Variants in DSCAML1 observed in about 807,000 individuals in gnomAD.
The protein encoded by DSCAML1 is cell adhesion molecule DSCAML1.
DSCAML1 carries 38 observed loss-of-function variants against 200.5 expected under a neutral mutation model. The observed-to-expected ratio is 0.19, with a 90% CI of 0.15 to 0.25. The LOEUF is 0.25. Ranked by LOEUF, DSCAML1 falls within the 10% of genes least tolerant of loss-of-function variation. The pLI is 1.00. For missense variants in DSCAML1, 2,223 were observed against 2,858.8 expected (o/e 0.78, Z 5.07); for synonymous variants, 1,215 against 1,165.0 (o/e 1.04, Z -0.87).
rs972513796 is a variant in DSCAML1, at chr11:117,521,457, A to G, written c.938-52T>C. On this transcript the variant is annotated intron_variant, in intron 5 of 32. Coordinates refer to ENST00000651296, the MANE Select transcript of DSCAML1 (RefSeq NM_020693.4). ...GGAAATGGGAGGGAGGAAAGAACAG[A>G]AAAAGGGCTTACTGTGAGTGGAGTG... The G allele has an allele frequency of 2.5e-6, 4 of 1,578,486 alleles. No homozygotes were observed. The South Asian group carries it at 4.6e-5, about 18-fold the overall frequency.
At chr11:117,572,050 A>G (rs921989634) in intron 3 of DSCAML1, among the ~76,000 whole-genome samples, 2 of 152,346 alleles carry the variant, frequency 1.3e-5, no homozygotes, top group South Asian at 2.1e-4. Flanking sequence ...AATCATCAAG[A>G]AATAACCAGA....
intron 3 of DSCAML1, among the ~76,000 whole-genome samples, chr11:117,574,457 G>A (rs1436696700): frequency 2.0e-5 from 3 of 152,184 alleles, no homozygotes; most frequent in Admixed American, 6.5e-5. Flanking sequence ...CATCCTTTCT[G>A]CAAATCACCT....
intron 3 of DSCAML1, among the ~76,000 whole-genome samples, chr11:117,675,204 G>A (rs549861592): frequency 6.6e-6 from 1 of 152,196 alleles, no homozygotes; most frequent in South Asian, 2.1e-4. Flanking sequence ...TCTACTCAGG[G>A]ATAGTCTATT....
chr11:117,735,108 G>A (rs907102606), intron 3 of DSCAML1, among the ~76,000 whole-genome samples: 1 of 152,218 alleles, frequency 6.6e-6, no homozygotes, highest in East Asian at 1.9e-4. Context: ...GCCTTGCAGG[G>A]TGGAAAGGGC....
At chr11:117,802,961 T>G (rs1334555012) in intron 1 of DSCAML1, among the ~76,000 whole-genome samples, 1 of 152,132 alleles carries the variant, frequency 6.6e-6, no homozygotes, top group African/African-American at 2.4e-5. Flanking sequence ...TGTGTTCACA[T>G]GGTCAGATAT....
rs184945340 is a variant in DSCAML1, at chr11:117,521,839, A to G, written c.938-434T>C. Reference sequence around the variant, plus strand: ...CACATTGCTATGTGCTGCTGGTCTGATTTCCTCTAGTTGGATCTGTGGACC... The same window carrying G: ...CACATTGCTATGTGCTGCTGGTCTGGTTTCCTCTAGTTGGATCTGTGGACC... On this transcript the variant is annotated intron_variant, in intron 5 of 32. Transcript: ENST00000651296. Among the ~76,000 whole-genome samples the G allele has an allele frequency of 1.1e-4, 17 of 152,140 alleles. No individual in the cohort carries two copies. In the East Asian group the frequency reaches 3.3e-3, roughly 29 times the overall value.
chr11:117,684,435 TAAAAAAAAAAAA>T (rs149958154), intron 3 of DSCAML1, among the ~76,000 whole-genome samples: 1 of 74,596 alleles, frequency 1.3e-5, no homozygotes, highest in Non-Finnish European at 2.8e-5. Flanking sequence ...TTTCATTAAC[TAAAAAAAAAAAA>T]AAAAAAAAAA....
intron 3 of DSCAML1, among the ~76,000 whole-genome samples, chr11:117,663,223 C>T (rs1350561821): frequency 6.6e-6 from 1 of 152,214 alleles, no homozygotes; most frequent in Non-Finnish European, 1.5e-5. Context: ...ACAGCCTGCC[C>T]ACCTCCCACA....
intron 3 of DSCAML1, among the ~76,000 whole-genome samples, chr11:117,678,852 T>G (rs968567355): frequency 1.3e-5 from 2 of 152,254 alleles, no homozygotes; most frequent in South Asian, 2.1e-4. Context: ...TGGCTTCTAC[T>G]CGGAATGGGG....
Position 117,464,985 on chromosome 11 carries a change from C to T in DSCAML1, c.3222G>A (p.Thr1074=), listed in dbSNP as rs779211252. Residue 1074 remains threonine, a synonymous_variant, in exon 17 of 33, where the codon ACG becomes ACA. Transcript: ENST00000651296. ...CATTGATCTCGCTGGAAGAGGGCCCCGTGCCAGCCCGATTGAAGGCTTGGA... is the reference window on the plus strand; with the variant it reads ...CATTGATCTCGCTGGAAGAGGGCCCTGTGCCAGCCCGATTGAAGGCTTGGA... ...VVVQAFNRAG[T]GPSSSEINAT... is the part of the protein sequence containing the mutation. The T allele has an allele frequency of 2.3e-5, 37 of 1,613,934 alleles. No individual in the cohort carries two copies. The highest frequency in any genetic ancestry group is 1.3e-4 in the Admixed American group (8 of 60,002).
At position 117,469,624 on chromosome 11, in the gene DSCAML1, G is replaced by A. The variant is rs903666225; in HGVS notation, c.3024+286C>T. 4.6e-5 allele frequency among the ~76,000 whole-genome samples: 7 copies of A among 152,040 alleles called. No homozygotes were observed. Among genetic ancestry groups the A allele is most frequent in the Admixed American group, 1.3e-4 (2 of 15,248 alleles). On this transcript the variant is annotated intron_variant, in intron 16 of 32. Transcript: ENST00000651296. The surrounding 1 kb of genome is among the most constrained non-coding windows in gnomAD (Gnocchi z 4.1). ...GTTTGGACGACGGGCCAGCACCACC[G>A]AGGAACCATCTTCCCTCCTTGGCAC...
In DSCAML1 at chr11:117,780,296, GAAA is replaced by G. The variant is rs2055226330; in HGVS notation, c.364+194_364+196del. ...AGAAAGAAAGAAAGAAAGAAAGAAA[GAAA>G]GAAAGAGAGAAAGGAGAAAGAAAGG... On this transcript the variant is annotated intron_variant, in intron 2 of 32. Transcript: ENST00000651296. The surrounding 1 kb of genome is among the most constrained non-coding windows in gnomAD (Gnocchi z 4.8). Among the ~76,000 whole-genome samples, 1 of 106,894 alleles carries G rather than the reference GAAA, an allele frequency of 9.4e-6. No homozygotes were observed. The highest frequency in any genetic ancestry group is 9.1e-5 in the Admixed American group (1 of 11,030). The allele number at this position is 106,894 out of a possible 152,430, so 70.1% of individuals were successfully genotyped here. A position where few individuals can be genotyped will look rare whatever the true frequency, so the allele number is the denominator to read the frequency against.
In DSCAML1 at chr11:117,437,813, C is replaced by T; in HGVS notation, c.4432+82G>A. 2.1e-6 allele frequency: 3 copies of T among 1,430,490 alleles called. No individual in the cohort carries two copies. Among genetic ancestry groups the T allele is most frequent in the South Asian group, 2.8e-5 (2 of 70,574 alleles). 88.6% of individuals were successfully genotyped at this position (1,430,490 alleles called of 1,614,324 possible). ...GACCCCTCCTTCCCCACCCCAGCCA[C>T]CTTACACCCCATACCTGGCCCCTCT... On this transcript the variant is annotated intron_variant, in intron 25 of 32. Transcript: ENST00000651296. The surrounding 1 kb of genome is among the most constrained non-coding windows in gnomAD (Gnocchi z 5.3).
In DSCAML1 at chr11:117,620,494, C is replaced by T. The variant is rs139292535; in HGVS notation, c.512-87972G>A. Among the ~76,000 whole-genome samples the T allele has an allele frequency of 5.0e-3, 767 of 152,328 alleles. 7 individuals are homozygous for T. Among genetic ancestry groups the T allele is most frequent in the Middle Eastern group, 0.014 (4 of 294 alleles). On this transcript the variant is annotated intron_variant, in intron 3 of 32. Transcript: ENST00000651296. ...CCACTTAATAGGAACGACACTGTGA[C>T]TGAAATTAACTCCAGAGGGGAGATT...
At chr11:117,689,265 T>C (rs927608768) in intron 3 of DSCAML1, among the ~76,000 whole-genome samples, 1 of 152,256 alleles carries the variant, frequency 6.6e-6, no homozygotes, top group African/African-American at 2.4e-5. Context: ...GTGTTGCTTT[T>C]ATGTTTGCTT....
chr11:117,482,386 G>A (rs773078721), intron 11 of DSCAML1, among the ~76,000 whole-genome samples: 4 of 152,230 alleles, frequency 2.6e-5, no homozygotes, highest in Non-Finnish European at 5.9e-5. Context: ...TCTGGGGAGG[G>A]AGTGGCCTGT....
chr11:117,476,162 ATTC>A (rs541785193), intron 14 of DSCAML1, among the ~76,000 whole-genome samples: 19 of 152,166 alleles, frequency 1.2e-4, no homozygotes, highest in South Asian at 2.1e-4. Flanking sequence ...GATGCAAAAT[ATTC>A]TTCTTAAAAA....
chr11:117,707,363 G>A (rs2053774707), intron 3 of DSCAML1, among the ~76,000 whole-genome samples: 1 of 152,116 alleles, frequency 6.6e-6, no homozygotes, highest in South Asian at 2.1e-4. Context: ...AGAGTGAATG[G>A]TCGCGAAGGT....
At chr11:117,626,610 A>G (rs935260314) in intron 3 of DSCAML1, among the ~76,000 whole-genome samples, 16 of 152,130 alleles carry the variant, frequency 1.1e-4, no homozygotes, top group Non-Finnish European at 7.3e-5. Context: ...TTCTCATGGA[A>G]CGGGCATAGC....
Sources: gnomAD v4.1 joint callset for allele counts (sites outside exome capture counted in the v4.1 genomes callset) on GRCh38, gnomAD v4.1.1 for gene constraint, Gnocchi (gnomAD v3.1) non-coding constraint, MANE v1.5 for transcripts, NCBI Gene and HGNC (gene_info 2026-07-23, HGNC 2026-07-21) for gene names.